The following PCDHA11 variants were observed in gnomAD, a reference collection of about 807,000 sequenced individuals.
PCDHA11 encodes protocadherin alpha 11.
Under a neutral mutation model 70.3 loss-of-function variants are expected in PCDHA11, and 61 were observed. The ratio of observed to expected loss-of-function variants is 0.87; its 90% CI spans 0.71 to 1.07. PCDHA11 has a LOEUF of 1.07. Ranked by LOEUF, PCDHA11 falls within the 50% of genes least tolerant of loss-of-function variation. The probability of loss-of-function intolerance (pLI) is 0.00; values close to 1 mark genes in which losing one functional copy is unlikely to be tolerated. For synonymous variants in PCDHA11, 633 were observed against 555.1 expected (o/e 1.14, Z -1.97); for missense variants, 1,324 against 1,237.5 (o/e 1.07, Z -1.05).
At chr5:140,978,048 C>T (rs2096787371) in intron 1 of PCDHA11, among the ~76,000 whole-genome samples, 1 of 152,146 alleles carries the variant, frequency 6.6e-6, no homozygotes, top group African/African-American at 2.4e-5. Flanking sequence ...GTGATGGTGA[C>T]TGATGATGTC....
At chr5:140,924,901 A>AAAAATAAAAT (rs10667761) in intron 1 of PCDHA11, among the ~76,000 whole-genome samples, 205 of 80,488 alleles carry the variant, frequency 2.5e-3, no homozygotes, top group South Asian at 0.019. Flanking sequence ...TCTCAAAAAA[A>AAAAATAAAAT]AAAATAAAAT....
At chr5:140,879,634 C>T (rs888836313) in intron 1 of PCDHA11, among the ~76,000 whole-genome samples, 2 of 152,306 alleles carry the variant, frequency 1.3e-5, no homozygotes, top group Admixed American at 1.3e-4. Context: ...GTAAGTGTGT[C>T]GCTTCCTGTG....
chr5:141,011,924 AG>A lies in PCDHA11; in HGVS notation c.*1989del, dbSNP rs1246091886. Reference sequence around the variant, plus strand: ...ATTTAGGCATTAATATAAAAGAGGTAGGAGTCTGTTATTTAAAAAAAGCATT... The same window carrying A: ...ATTTAGGCATTAATATAAAAGAGGTAGAGTCTGTTATTTAAAAAAAGCATT... On this transcript the variant is annotated 3_prime_UTR_variant, in exon 4 of 4. Coordinates refer to ENST00000398640, the MANE Select transcript of PCDHA11 (RefSeq NM_018902.5). 1 of 153,728 alleles carries A rather than the reference AG, an allele frequency of 6.5e-6. No homozygotes were observed. Among genetic ancestry groups the A allele is most frequent in the Non-Finnish European group, 1.5e-5 (1 of 68,042 alleles). 9.5% of individuals were successfully genotyped at this position (153,728 alleles called of 1,614,324 possible).
intron 1 of PCDHA11, chr5:140,966,634 G>A: frequency 9.8e-7 from 1 of 1,022,982 alleles, no homozygotes; most frequent in Non-Finnish European, 1.3e-6. Flanking sequence ...GGCCCCAGGC[G>A]CTTTCTAGAG....
intron 1 of PCDHA11, among the ~76,000 whole-genome samples, chr5:140,880,869 G>A (rs1017640769): frequency 2.0e-5 from 3 of 152,064 alleles, no homozygotes; most frequent in Non-Finnish European, 4.4e-5. Context: ...TATGTGAAGA[G>A]GTAAATAAAG....
chr5:140,900,214 T>C (rs782509259), intron 1 of PCDHA11, among the ~76,000 whole-genome samples: 3 of 152,216 alleles, frequency 2.0e-5, no homozygotes, highest in Non-Finnish European at 4.4e-5. Flanking sequence ...ATCCAGGTTG[T>C]TGCAAATGAC....
intron 1 of PCDHA11, among the ~76,000 whole-genome samples, chr5:140,936,396 A>G (rs983509296): frequency 1.4e-4 from 22 of 152,112 alleles, no homozygotes; most frequent in African/African-American, 5.3e-4. Flanking sequence ...AAACTGGGCT[A>G]CTCAATTTTT....
chr5:140,973,105 G>C (rs1166565820), intron 1 of PCDHA11, among the ~76,000 whole-genome samples: 1 of 152,180 alleles, frequency 6.6e-6, no homozygotes, highest in Non-Finnish European at 1.5e-5. Flanking sequence ...AATTATGAAA[G>C]AGTAGCAGAG....
intron 1 of PCDHA11, among the ~76,000 whole-genome samples, chr5:140,937,771 G>T (rs558321540): frequency 6.6e-6 from 1 of 151,436 alleles, no homozygotes; most frequent in Non-Finnish European, 1.5e-5. Context: ...AATTAGTCGG[G>T]CGTGGTGGCG....
At chr5:140,991,247 T>C (rs1211585397) in intron 3 of PCDHA11, among the ~76,000 whole-genome samples, 1 of 152,200 alleles carries the variant, frequency 6.6e-6, no homozygotes, top group Non-Finnish European at 1.5e-5. Flanking sequence ...AAAGGCAGTA[T>C]TTGAACTCAT....
At chr5:140,909,907 A>C (rs1554194005) in intron 1 of PCDHA11, among the ~76,000 whole-genome samples, 1 of 152,168 alleles carries the variant, frequency 6.6e-6, no homozygotes, top group African/African-American at 2.4e-5. Flanking sequence ...CTGAAATGGC[A>C]ATCATTTCCC....
At chr5:140,978,240 C>T (rs1290697340) in intron 1 of PCDHA11, among the ~76,000 whole-genome samples, 3 of 152,174 alleles carry the variant, frequency 2.0e-5, no homozygotes, top group African/African-American at 7.2e-5. Context: ...TGGATTTCAG[C>T]TACTCCCTGT....
intron 1 of PCDHA11, chr5:140,969,209 A>G (rs1586360550): frequency 1.2e-6 from 2 of 1,614,194 alleles, no homozygotes; most frequent in Non-Finnish European, 1.7e-6. Context: ...AGGGGCCCAG[A>G]CAGGACCAGG....
At chr5:140,969,576 G>A (rs982215577) in intron 1 of PCDHA11, 3 of 984,900 alleles carry the variant, frequency 3.0e-6, no homozygotes, top group Admixed American at 2.9e-5. Flanking sequence ...TTTGAGAAGT[G>A]AGGATTAGTC....
At chr5:140,875,546 AGGTGGGGAGCG>A in intron 1 of PCDHA11, 1 of 1,614,002 alleles carries the variant, frequency 6.2e-7, no homozygotes, top group Non-Finnish European at 8.5e-7. Context: ...GCAGCCTGGG[AGGTGGGGAGCG>A]GCCAGCTCCA....
At chr5:140,875,982 T>A (rs782696437) in intron 1 of PCDHA11, 7 of 1,614,008 alleles carry the variant, frequency 4.3e-6, no homozygotes, top group Non-Finnish European at 5.9e-6. Context: ...TTTTGACCTA[T>A]GCGTTAAGTC....
intron 1 of PCDHA11, among the ~76,000 whole-genome samples, chr5:140,893,581 T>C (rs1224207477): frequency 1.3e-5 from 2 of 152,216 alleles, no homozygotes; most frequent in African/African-American, 4.8e-5. Context: ...TTTTTGCTTG[T>C]TTGGGAAATA....
intron 1 of PCDHA11, chr5:140,882,629 G>A: frequency 6.2e-7 from 1 of 1,614,254 alleles, no homozygotes; most frequent in Admixed American, 1.7e-5. Context: ...CCATGTGGAG[G>A]TGAAGGTGAG....
At position 140,882,396 on chromosome 5, in the gene PCDHA11, C is replaced by G; in HGVS notation, c.2391+10902C>G. The G allele has an allele frequency of 1.9e-6, 3 of 1,614,196 alleles. No homozygotes were observed. In the South Asian group the frequency reaches 3.3e-5, roughly 18 times the overall value. On this transcript the variant is annotated intron_variant, in intron 1 of 3. Transcript: ENST00000398640. ...GTCCCCGAGGAAGCAAAACACGGCA[C>G]CTTCGTGGGCCGCATCGCTCAGGAC...
Sources: allele counts gnomAD v4.1 joint callset (sites outside exome capture counted in the v4.1 genomes callset), GRCh38; gene constraint gnomAD v4.1.1; transcripts MANE v1.5; gene names NCBI Gene and HGNC (gene_info 2026-07-23, HGNC 2026-07-21).